The following HELLS variants were observed in gnomAD, a reference collection of about 807,000 sequenced individuals.
HELLS encodes the protein helicase, lymphoid specific.
In HELLS, 32 loss-of-function variants were observed where a neutral mutation model predicts 120.0. The ratio of observed to expected loss-of-function variants is 0.27; its 90% confidence interval spans 0.20 to 0.36. HELLS has a LOEUF of 0.36. HELLS is among the 10% of genes least tolerant of loss of function. HELLS has a pLI of 1.00. For missense variants in HELLS, 650 were observed against 993.4 expected, an observed-to-expected ratio of 0.65 and a Z score of 4.65; for synonymous variants, 341 against 323.4, an observed-to-expected ratio of 1.05 and a Z score of -0.58.
chr10:94,548,470 A>G (rs1247748933), intron 2 of HELLS, among the ~76,000 whole-genome samples: 1 of 152,198 alleles, frequency 6.6e-6, no homozygotes, highest in Non-Finnish European at 1.5e-5. Context: ...AGATATGACA[A>G]CAGTACATTT....
chr10:94,560,813 TG>T (rs1843520220), intron 4 of HELLS, among the ~76,000 whole-genome samples: 1 of 152,046 alleles, frequency 6.6e-6, no homozygotes, highest in Non-Finnish European at 1.5e-5. Flanking sequence ...CCCAGCACTT[TG>T]GGAGGCCAAG....
At position 94,590,659 on chromosome 10, in the gene HELLS, C is replaced by G. The variant is rs1176622381; in HGVS notation, c.1650C>G (p.Ile550Met). Residue 550 changes from isoleucine to methionine, a missense_variant, in exon 15 of 22, where the codon ATC (isoleucine) becomes ATG (methionine). By Grantham distance (10) the Ile-to-Met change is conservative. This residue lies in a region of HELLS where 191 missense variants were observed against 259.7 expected (regional missense o/e 0.74). Transcript: ENST00000348459. ...DRERAVVEVN[I>M]PVESEVNLKL... The stretch of plus-strand genomic sequence containing the variant: ...GTAGAGCTGTTGTGGAAGTGAATAT[C>G]CCTGTAGAATCTGAAGTTAATCTGA... The G allele has an allele frequency of 6.2e-7, 1 of 1,610,122 alleles. No homozygotes were observed. Among genetic ancestry groups the G allele is most frequent in the Admixed American group, 1.7e-5 (1 of 59,068 alleles).
chr10:94,562,404 C>CA (rs1169790016), intron 4 of HELLS, among the ~76,000 whole-genome samples: 20 of 151,828 alleles, frequency 1.3e-4, no homozygotes, highest in African/African-American at 4.6e-4. Context: ...ACTCCGTCTC[C>CA]AAAAAACAAA....
At position 94,546,505 on chromosome 10, in the gene HELLS, T is replaced by C. The variant is rs757595622; in HGVS notation, c.153+7T>C. ...GCGGAAGATGCTGGAAAAGGTAATTTAGGCATCAGGTTCGTCGTCGTGAAA... is the reference window on the plus strand; with the variant it reads ...GCGGAAGATGCTGGAAAAGGTAATTCAGGCATCAGGTTCGTCGTCGTGAAA... On this transcript the variant is annotated splice_region_variant and intron_variant, in intron 2 of 21. Coordinates refer to ENST00000348459, the MANE Select transcript of HELLS (RefSeq NM_018063.5). 7 of 1,613,914 alleles carry C rather than the reference T, an allele frequency of 4.3e-6. No homozygotes were observed. Among genetic ancestry groups the C allele is most frequent in the Non-Finnish European group, 5.9e-6 (7 of 1,179,992 alleles).
chr10:94,603,776 C>T (rs1846093381), downstream of HELLS, among the ~76,000 whole-genome samples: 1 of 152,168 alleles, frequency 6.6e-6, no homozygotes, highest in African/African-American at 2.4e-5. Flanking sequence ...TTCCTTCCCT[C>T]ATATTTCATG....
chr10:94,577,128 A>AT, intron 10 of HELLS: 1 of 449,964 alleles, frequency 2.2e-6, no homozygotes, highest in East Asian at 6.3e-5. Flanking sequence ...TACTTATCGT[A>AT]TTTTAATCAA....
At chr10:94,589,470 A>G (rs1350944745) in intron 13 of HELLS, among the ~76,000 whole-genome samples, 1 of 152,208 alleles carries the variant, frequency 6.6e-6, no homozygotes, top group African/African-American at 2.4e-5. Flanking sequence ...AAAAAGATTA[A>G]TAATCAATTT....
rs1846047850 is a variant in HELLS, at chr10:94,601,844, T to A, written c.*222T>A. 2.9e-6 allele frequency: 1 copy of A among 343,094 alleles called. No homozygotes were observed. Among genetic ancestry groups the A allele is most frequent in the African/African-American group, 2.2e-5 (1 of 46,172 alleles). 21.3% of individuals were successfully genotyped at this position (343,094 alleles called of 1,614,324 possible). ...TTTTCAGTTAATTTTTGAGACTGAG[T>A]AGTATTCTTGGATACAGGCTGATGT... On this transcript the variant is annotated 3_prime_UTR_variant, in exon 22 of 22. Coordinates refer to ENST00000348459, the MANE Select transcript of HELLS (RefSeq NM_018063.5).
At chr10:94,546,549 T>G in intron 2 of HELLS, 51 bp downstream of exon 2, 2 of 1,609,990 alleles carry the variant, frequency 1.2e-6, no homozygotes, top group Non-Finnish European at 1.7e-6. Flanking sequence ...TAACCTCGGC[T>G]TTAACCCGGA....
intron 6 of HELLS, among the ~76,000 whole-genome samples, chr10:94,567,905 G>T (rs928870528): frequency 9.1e-4 from 119 of 130,626 alleles, no homozygotes; most frequent in African/African-American, 3.1e-3. Context: ...TGAAACCCTG[G>T]TTTTTTTTTT....
chr10:94,575,098 A>ATTTTT (rs570447113), intron 9 of HELLS, among the ~76,000 whole-genome samples: 5 of 121,784 alleles, frequency 4.1e-5, no homozygotes, highest in Middle Eastern at 4.7e-3. Context: ...ACCTTCTGCA[A>ATTTTT]TTTTTTTTTT....
At chr10:94,606,527 A>T (rs1365120055), downstream of HELLS, among the ~76,000 whole-genome samples, 2 of 151,116 alleles carry the variant, frequency 1.3e-5, no homozygotes, top group African/African-American at 2.4e-5. Context: ...AAAAAAAAAA[A>T]TTTCTTGAGA....
rs918302429 is a variant in HELLS at position 94,580,026 on chromosome 10, G to A, written c.1033-1300G>A. On this transcript the variant is annotated intron_variant, in intron 10 of 21. Transcript: ENST00000348459. ...AGGGCTTTTGTTGCTGAGTGCGAGT[G>A]GAAGTGACTGAGTTCACTTGCTAAT... is the stretch of plus-strand genomic sequence containing the variant. Among the ~76,000 whole-genome samples, 7 of 150,144 alleles carry A rather than the reference G, an allele frequency of 4.7e-5. No individual in the cohort carries two copies. The Admixed American group carries it at 4.7e-4, about 10-fold the overall frequency.
At position 94,583,041 on chromosome 10, in the gene HELLS, A is replaced by G; in HGVS notation, c.1308A>G (p.Val436=). 6.3e-7 allele frequency: 1 copy of G among 1,595,210 alleles called. No individual in the cohort carries two copies. ...TTGCTAAAGAAAGAGAACAGAATGT[A>G]TTGCATATGCTGCACCAGGTTTTCC... ...DIIAKEREQN[V]LHMLHQILTP... The change falls in exon 12 of 22, where the codon GTA becomes GTG. Residue 436 remains valine (V), a synonymous_variant. Coordinates refer to ENST00000348459, the MANE Select transcript of HELLS (RefSeq NM_018063.5).
chr10:94,608,887 C>T (rs950125459), intron 9 of HELLS, among the ~76,000 whole-genome samples: 1 of 152,098 alleles, frequency 6.6e-6, no homozygotes, highest in African/African-American at 2.4e-5. Flanking sequence ...TGGCCTCAAG[C>T]AATCTTCCTG....
In HELLS at chr10:94,575,759, G is replaced by GA; in HGVS notation, c.889-903_889-902insA. On this transcript the variant is annotated intron_variant, in intron 9 of 21. Coordinates refer to ENST00000348459, the MANE Select transcript of HELLS (RefSeq NM_018063.5). ...TGTATTTGTAGGTTTTTTGTTGGGG[G>GA]GGGGGTTGTGTTTGTGTGTGTGTGT... 1.5e-5 allele frequency among the ~76,000 whole-genome samples: 2 copies of GA among 129,810 alleles called. 1 individual carries two copies. The highest frequency in any genetic ancestry group is 5.8e-4 in the South Asian group (2 of 3,432). The allele number at this position is 129,810 out of a possible 152,430, so 85.2% of individuals were successfully genotyped here.
intron 4 of HELLS, among the ~76,000 whole-genome samples, chr10:94,561,172 A>G (rs991726825): frequency 6.6e-6 from 1 of 151,804 alleles, no homozygotes; most frequent in Non-Finnish European, 1.5e-5. Context: ...GAGCTTCACT[A>G]TGTTGCCCAG....
At chr10:94,587,221 T>TA (rs1845209550) in intron 12 of HELLS, among the ~76,000 whole-genome samples, 1 of 152,148 alleles carries the variant, frequency 6.6e-6, no homozygotes, top group African/African-American at 2.4e-5. Context: ...TACTGAGTCT[T>TA]AAAACCTCAT....
At chr10:94,550,600 T>C (rs934472995) in intron 2 of HELLS, among the ~76,000 whole-genome samples, 4 of 152,058 alleles carry the variant, frequency 2.6e-5, no homozygotes, top group Middle Eastern at 3.4e-3. Context: ...GTTTTAAAAA[T>C]ATGTGCTGGC....
Sources: gnomAD v4.1 joint callset for allele counts (sites outside exome capture counted in the v4.1 genomes callset) on GRCh38, gnomAD v4.1.1 for gene constraint, gnomAD v4.1.1 regional missense constraint, MANE v1.5 for transcripts, NCBI Gene and HGNC (gene_info 2026-07-23, HGNC 2026-07-21) for gene names.